Variants in OR7G2 observed in about 807,000 individuals in gnomAD.
OR7G2 encodes the protein olfactory receptor 7G2.
For missense variants in OR7G2, 362 were observed against 384.0 expected (o/e 0.94, Z 0.48); for synonymous variants, 153 against 152.2 (o/e 1.01, Z -0.04).
intron 1 of OR7G2, among the ~76,000 whole-genome samples, chr19:9,105,577 G>A (rs1280575279): frequency 6.6e-6 from 1 of 152,114 alleles, no homozygotes; most frequent in Non-Finnish European, 1.5e-5. Context: ...GGCTGTGCGT[G>A]GTGGTTCACG....
At chr19:9,105,091 C>T (rs1443493577) in intron 1 of OR7G2, among the ~76,000 whole-genome samples, 1 of 151,914 alleles carries the variant, frequency 6.6e-6, no homozygotes. Context: ...CTGCCTCGTC[C>T]TCCAAAGTAG....
chr19:9,104,017 ACAG>A (rs1324975053), intron 1 of OR7G2, among the ~76,000 whole-genome samples: 1 of 151,464 alleles, frequency 6.6e-6, no homozygotes, highest in East Asian at 1.9e-4. Flanking sequence ...TTACAGGTGC[ACAG>A]CACCATATTT....
rs2050363138 is a variant in OR7G2, at chr19:9,102,886, A to T, written c.358T>A (p.Tyr120Asn). Residue 120 changes from tyrosine to asparagine, a missense_variant, in exon 2 of 2, where the codon TAT (tyrosine) becomes AAT (asparagine). Physicochemically the swap from Tyr to Asn is moderately radical, Grantham distance 143. Coordinates refer to ENST00000641081, the MANE Select transcript of OR7G2 (RefSeq NM_001005193.2). ...LENCLLAAMA[Y>N]DRYVAICHPL... ...TGACAAATGGCCACATAGCGGTCATAGGCCATTGCTGCAAGGAGACAATTT... is the reference window on the plus strand; with the variant it reads ...TGACAAATGGCCACATAGCGGTCATTGGCCATTGCTGCAAGGAGACAATTT... 1 of 1,614,032 alleles carries T rather than the reference A, an allele frequency of 6.2e-7. No individual in the cohort carries two copies. Among genetic ancestry groups the T allele is most frequent in the Non-Finnish European group, 8.5e-7 (1 of 1,180,018 alleles).
Position 9,102,743 on chromosome 19 carries a change from G to A in OR7G2, c.501C>T (p.Ser167=). 6.2e-7 allele frequency: 1 copy of A among 1,614,086 alleles called. No homozygotes were observed. The highest frequency in any genetic ancestry group is 8.5e-7 in the Non-Finnish European group (1 of 1,180,008). ...LLLSLMVLRL[S]FCTDLEIPLF... The stretch of plus-strand genomic sequence containing the variant: ...GCGGGATTTCCAGGTCTGTGCAGAA[G>A]GACAGCCTCAACACCATCAGGCTGA... Residue 167 remains serine, a synonymous_variant, in exon 2 of 2, where the codon TCC becomes TCT. Transcript: ENST00000641081.
Position 9,103,151 on chromosome 19 carries a change from G to A in OR7G2, c.93C>T (p.Phe31=). Residue 31 remains phenylalanine, a synonymous_variant, in exon 2 of 2, where the codon TTC becomes TTT. Coordinates refer to ENST00000641081, the MANE Select transcript of OR7G2 (RefSeq NM_001005193.2). ...PELQPVLFSL[F]LSMYLVTILG... ...GGATGGTGACCAAGTACATGGACAG[G>A]AACAGGCTGAAAAGGACGGGCTGCA... The A allele has an allele frequency of 6.2e-7, 1 of 1,614,150 alleles. No individual in the cohort carries two copies. Among genetic ancestry groups the A allele is most frequent in the Non-Finnish European group, 8.5e-7 (1 of 1,180,032 alleles).
chr19:9,102,797 C>A lies in OR7G2; in HGVS notation c.447G>T (p.Leu149=). The part of the protein sequence containing the change: ...RLCGLLILLS[L]LTSVVNALLL... ...GAAGGGCATTCACAACACTAGTCAA[C>A]AGAGAGAGAAGAATCAGCAGGCCAC... is the stretch of plus-strand genomic sequence containing the variant. The change falls in exon 2 of 2, where the codon CTG becomes CTT. Residue 149 remains leucine, a synonymous_variant. Coordinates refer to ENST00000641081, the MANE Select transcript of OR7G2 (RefSeq NM_001005193.2). The A allele has an allele frequency of 6.2e-7, 1 of 1,613,866 alleles. No individual in the cohort carries two copies. The highest frequency in any genetic ancestry group is 8.5e-7 in the Non-Finnish European group (1 of 1,179,870).
Position 9,102,689 on chromosome 19 carries a change from G to C in OR7G2, c.555C>G (p.Ile185Met). 1.2e-6 allele frequency: 2 copies of C among 1,614,162 alleles called. No homozygotes were observed. The highest frequency in any genetic ancestry group is 1.7e-6 in the Non-Finnish European group (2 of 1,180,038). Residue 185 changes from isoleucine (I) to methionine (M), a missense_variant, in exon 2 of 2, where the codon ATC becomes ATG. Transcript: ENST00000641081. The stretch of plus-strand genomic sequence containing the variant: ...TGAGGGTGTCTGAACAGGTGAGTTG[G>C]ATGACCTGAGCCAGTTCACAGAAGA... ...PLFFCELAQVIQLTCSDTLIN... is the reference protein window; with the variant it reads ...PLFFCELAQVMQLTCSDTLIN...
intron 1 of OR7G2, among the ~76,000 whole-genome samples, chr19:9,105,828 C>A (rs144456136): frequency 6.8e-6 from 1 of 146,758 alleles, no homozygotes; most frequent in African/African-American, 2.6e-5. Context: ...GCCTGGGTGA[C>A]AGAGTGACAC....
intron 1 of OR7G2, among the ~76,000 whole-genome samples, chr19:9,105,513 CA>C: frequency 6.6e-6 from 1 of 151,916 alleles, no homozygotes; most frequent in East Asian, 1.9e-4. Flanking sequence ...TCAATAGATG[CA>C]AAAAAGGCTT....
chr19:9,103,231 T>C lies in OR7G2; in HGVS notation c.13A>G (p.Asn5Asp). 1 of 1,614,062 alleles carries C rather than the reference T, an allele frequency of 6.2e-7. No individual in the cohort carries two copies. The highest frequency in any genetic ancestry group is 1.1e-5 in the South Asian group (1 of 91,074). The change falls in exon 2 of 2, where the codon AAC (asparagine) becomes GAC (aspartate). Residue 5 changes from asparagine (N) to aspartate (D), a missense_variant. Transcript: ENST00000641081. MEAR[N>D]QTAISKFLLL... Reference sequence around the variant, plus strand: ...AGGAATTTTGAAATAGCTGTTTGGTTTCTCGCTTCCATGCTGTTGATGATG... The same window carrying C: ...AGGAATTTTGAAATAGCTGTTTGGTCTCTCGCTTCCATGCTGTTGATGATG...
Position 9,102,528 on chromosome 19 carries a change from G to T in OR7G2, c.716C>A (p.Ser239Tyr), listed in dbSNP as rs1359125868. 1 of 1,614,202 alleles carries T rather than the reference G, an allele frequency of 6.2e-7. No individual in the cohort carries two copies. The highest frequency in any genetic ancestry group is 8.5e-7 in the Non-Finnish European group (1 of 1,180,046). The part of the protein sequence containing the change: ...PSASGKHKAV[S>Y]TCGSHLSIVL... ...AATGGAGAGGTGAGACCCACAGGTGGAAACTGCTTTGTGCTTTCCACTTGC... is the reference window on the plus strand; with the variant it reads ...AATGGAGAGGTGAGACCCACAGGTGTAAACTGCTTTGTGCTTTCCACTTGC... Residue 239 changes from serine to tyrosine, a missense_variant, in exon 2 of 2, where the codon TCC becomes TAC. Coordinates refer to ENST00000641081, the MANE Select transcript of OR7G2 (RefSeq NM_001005193.2).
Position 9,102,143 on chromosome 19 carries a change from A to G in OR7G2, c.*126T>C. ...GCTTGAACCCGGAGGCGGAAGTTGC[A>G]GTGAGCCGAGGTCGTGCCATTGCAC... On this transcript the variant is annotated 3_prime_UTR_variant, in exon 2 of 2. Coordinates refer to ENST00000641081, the MANE Select transcript of OR7G2 (RefSeq NM_001005193.2). 1.3e-6 allele frequency: 1 copy of G among 790,358 alleles called. No individual in the cohort carries two copies. The highest frequency in any genetic ancestry group is 2.0e-6 in the Non-Finnish European group (1 of 506,888). The allele number at this position is 790,358 out of a possible 1,614,324, so 49.0% of individuals were successfully genotyped here.
chr19:9,102,992 G>A lies in OR7G2; in HGVS notation c.252C>T (p.Asn84=). 28 of 1,614,162 alleles carry A rather than the reference G, an allele frequency of 1.7e-5. No individual in the cohort carries two copies. Among genetic ancestry groups the A allele is most frequent in the Non-Finnish European group, 2.4e-5 (28 of 1,180,026 alleles). Residue 84 remains asparagine (N), a synonymous_variant, in exon 2 of 2, where the codon AAC becomes AAT. Transcript: ENST00000641081. ...STTTIPKMLV[N]IQAQNRSITY... is the part of the protein sequence containing the mutation. ...TGATGCTCCGATTCTGAGCTTGGAT[G>A]TTCACCAGCATCTTTGGGATCGTGG...
chr19:9,103,087 A>T lies in OR7G2; in HGVS notation c.157T>A (p.Ser53Thr). 8 of 1,614,100 alleles carry T rather than the reference A, an allele frequency of 5.0e-6. No homozygotes were observed. Among genetic ancestry groups the T allele is most frequent in the Non-Finnish European group, 6.8e-6 (8 of 1,180,006 alleles). The change falls in exon 2 of 2, where the codon TCT becomes ACT. Residue 53 changes from serine (S) to threonine (T), a missense_variant. Physicochemically the swap from Ser to Thr is moderately conservative, Grantham distance 58. Transcript: ENST00000641081. Reference protein sequence around the residue: ...LLILLAVISDSHLHTPMYFFL... With the variant: ...LLILLAVISDTHLHTPMYFFL... ...AAGTACATGGGGGTGTGGAGGTGAG[A>T]GTCAGAGATGACAGCCAAGAGGATG...
chr19:9,104,287 T>C (rs1257685051), intron 1 of OR7G2, among the ~76,000 whole-genome samples: 1 of 152,154 alleles, frequency 6.6e-6, no homozygotes, highest in East Asian at 1.9e-4. Flanking sequence ...TAAGACCACA[T>C]GTACCTTTGG....
rs2050361055 is a variant in OR7G2, at chr19:9,102,604, T to A, written c.640A>T (p.Ile214Phe). The stretch of plus-strand genomic sequence containing the variant: ...GTGATCTGAGTGTAAGACAAAATGA[T>A]TCCAGACAGAGGAACACCACCAAAT... ...CIFGGVPLSG[I>F]ILSYTQITSC... Residue 214 changes from isoleucine to phenylalanine, a missense_variant, in exon 2 of 2, where the codon ATC (isoleucine) becomes TTC (phenylalanine). Coordinates refer to ENST00000641081, the MANE Select transcript of OR7G2 (RefSeq NM_001005193.2). 1 of 1,614,046 alleles carries A rather than the reference T, an allele frequency of 6.2e-7. No individual in the cohort carries two copies. The highest frequency in any genetic ancestry group is 1.1e-5 in the South Asian group (1 of 91,090).
rs780792848 is a variant in OR7G2, at chr19:9,102,429, G to A, written c.815C>T (p.Ala272Val). Residue 272 changes from alanine to valine, a missense_variant, in exon 2 of 2, where the codon GCA (alanine) becomes GTA (valine). By Grantham distance (64) the Ala-to-Val change is moderately conservative. Transcript: ENST00000641081. ...CACAGAATACATCACTGAAGCCACT[G>A]CAGTCTTCCTAGGTGAGTCAGTAAC... ...SVVTDSPRKT[A>V]VASVMYSVFP... 1.2e-6 allele frequency: 2 copies of A among 1,613,804 alleles called. No homozygotes were observed. Among genetic ancestry groups the A allele is most frequent in the African/African-American group, 1.3e-5 (1 of 75,030 alleles).
At chr19:9,103,311 C>G (rs372291751) in intron 1 of OR7G2, 52 bp from the exon 2 acceptor site, 2 of 1,602,830 alleles carry the variant, frequency 1.2e-6, no homozygotes, top group South Asian at 1.1e-5. Flanking sequence ...CGGCATCACT[C>G]GAGAACATGA....
chr19:9,102,991 T>TCTTTGG lies in OR7G2; in HGVS notation c.252_253insCCAAAG (p.Asn84_Ile85insProLys), dbSNP rs1480976374. 6.2e-7 allele frequency: 1 copy of TCTTTGG among 1,614,032 alleles called. No homozygotes were observed. The highest frequency in any genetic ancestry group is 8.5e-7 in the Non-Finnish European group (1 of 1,180,030). On this transcript the variant is annotated inframe_insertion, in exon 2 of 2. Transcript: ENST00000641081. ...GTGATGCTCCGATTCTGAGCTTGGA[T>TCTTTGG]GTTCACCAGCATCTTTGGGATCGTG...
Sources: allele counts gnomAD v4.1 joint callset (sites outside exome capture counted in the v4.1 genomes callset), GRCh38; gene constraint gnomAD v4.1.1; transcripts MANE v1.5; gene names NCBI Gene and HGNC (gene_info 2026-07-23, HGNC 2026-07-21).